GPR157: variants seen among roughly 807,000 people sequenced by gnomAD.
GPR157 encodes G protein-coupled receptor 157.
GPR157 carries 16 observed loss-of-function variants against 23.5 expected under a neutral mutation model. The ratio of observed to expected loss-of-function variants is 0.68; its 90% CI spans 0.46 to 1.04. The LOEUF (loss-of-function observed/expected upper bound fraction) is 1.04, where lower values mean the gene tolerates loss of function less well. Among genes scored for constraint, GPR157 ranks in the 50% least tolerant of loss-of-function variants. GPR157 has a pLI of 0.00. For synonymous variants in GPR157, 200 were observed against 221.5 expected (o/e 0.90, Z 0.86); for missense variants, 440 against 460.7 (o/e 0.96, Z 0.41).
In GPR157 at chr1:9,128,616, C is replaced by G; in HGVS notation, c.383+29G>C. On this transcript the variant is annotated intron_variant, in intron 1 of 3. Coordinates refer to ENST00000377411, the MANE Select transcript of GPR157 (RefSeq NM_024980.5). The surrounding 1 kb of genome is among the most constrained non-coding windows in gnomAD (Gnocchi z 6.3). ...GAGGGGTCGGCCTGTGTCGGGGGCT[C>G]CTGGAAAAGCAGCGCCACCGCCACC... 6.2e-7 allele frequency: 1 copy of G among 1,607,618 alleles called. No homozygotes were observed. Among genetic ancestry groups the G allele is most frequent in the Non-Finnish European group, 8.5e-7 (1 of 1,176,390 alleles).
At chr1:9,123,047 T>C (rs909055389) in intron 1 of GPR157, among the ~76,000 whole-genome samples, 4 of 150,618 alleles carry the variant, frequency 2.7e-5, no homozygotes, top group Middle Eastern at 3.4e-3. Flanking sequence ...TCCCAGCTAC[T>C]TGGAAGGCTG....
chr1:9,123,293 T>TAA (rs1638856432), intron 1 of GPR157, among the ~76,000 whole-genome samples: 3 of 46,560 alleles, frequency 6.4e-5, no homozygotes, highest in African/African-American at 3.2e-4. Flanking sequence ...TTTAAATTAA[T>TAA]ATATATTTAA....
chr1:9,122,789 T>C (rs372781633), intron 1 of GPR157, among the ~76,000 whole-genome samples: 3 of 152,112 alleles, frequency 2.0e-5, no homozygotes, highest in East Asian at 3.9e-4. Flanking sequence ...AGAATAAAGA[T>C]ATATGAAAAT....
Position 9,100,419 on chromosome 1 carries a change from A to G in GPR157, c.*4000T>C, listed in dbSNP as rs1031768918. 6.6e-6 allele frequency: 1 copy of G among 152,242 alleles called. No homozygotes were observed. The highest frequency in any genetic ancestry group is 1.5e-5 in the Non-Finnish European group (1 of 68,038). The allele number at this position is 152,242 out of a possible 1,614,324, so 9.4% of individuals were successfully genotyped here. Reference sequence around the variant, plus strand: ...AAAAACTCACACTTTTGATGCCACAACTAGAAGTTTGTAAAAACTATTTTT... The same window carrying G: ...AAAAACTCACACTTTTGATGCCACAGCTAGAAGTTTGTAAAAACTATTTTT... On this transcript the variant is annotated 3_prime_UTR_variant, in exon 4 of 4. Coordinates refer to ENST00000377411, the MANE Select transcript of GPR157 (RefSeq NM_024980.5).
At position 9,128,127 on chromosome 1, in the gene GPR157, T is replaced by A. The variant is rs1305016081; in HGVS notation, c.383+518A>T. 8.3e-6 allele frequency: 3 copies of A among 362,368 alleles called. No homozygotes were observed. The highest frequency in any genetic ancestry group is 1.7e-5 in the Non-Finnish European group (3 of 181,776). The allele number at this position is 362,368 out of a possible 1,614,324, so 22.4% of individuals were successfully genotyped here. ...AGGCTAGAAACGACCAAAGACAGAA[T>A]AAAAAGCACAGTCCTTTGTAAACTG... On this transcript the variant is annotated intron_variant, in intron 1 of 3. Transcript: ENST00000377411. The surrounding 1 kb of genome is among the most constrained non-coding windows in gnomAD (Gnocchi z 6.3).
At position 9,118,421 on chromosome 1, in the gene GPR157, C is replaced by T. The variant is rs1438474914; in HGVS notation, c.384-6932G>A. Among the ~76,000 whole-genome samples, 1 of 152,110 alleles carries T rather than the reference C, an allele frequency of 6.6e-6. No individual in the cohort carries two copies. The highest frequency in any genetic ancestry group is 6.6e-5 in the Admixed American group (1 of 15,264). On this transcript the variant is annotated intron_variant, in intron 1 of 3. Transcript: ENST00000377411. This position sits in a 1 kb window ranked among gnomAD's most constrained non-coding sequence, Gnocchi z 4.6. The stretch of plus-strand genomic sequence containing the variant: ...CTGGGAGGAGGCCAAGCTGAGCCTG[C>T]CTGGACGGAGGAAGCCCGGGACAGC...
At chr1:9,123,213 TTTATTAAA>T (rs1340224246) in intron 1 of GPR157, among the ~76,000 whole-genome samples, 41 of 128,204 alleles carry the variant, frequency 3.2e-4, no homozygotes, top group Non-Finnish European at 5.7e-4. Flanking sequence ...TATATATATA[TTTATTAAA>T]ATATATATTT....
In GPR157 at chr1:9,128,568, G is replaced by A. The variant is rs1232203032; in HGVS notation, c.383+77C>T. 8 of 1,391,920 alleles carry A rather than the reference G, an allele frequency of 5.7e-6. No homozygotes were observed. The highest frequency in any genetic ancestry group is 4.8e-5 in the South Asian group (4 of 83,296). 86.2% of individuals were successfully genotyped at this position (1,391,920 alleles called of 1,614,324 possible). On this transcript the variant is annotated intron_variant, in intron 1 of 3. Coordinates refer to ENST00000377411, the MANE Select transcript of GPR157 (RefSeq NM_024980.5). This position sits in a 1 kb window ranked among gnomAD's most constrained non-coding sequence, Gnocchi z 6.3. ...GGTAGGGGGTGTCCAACCTAGACGC[G>A]GCCTCTGGGAGGGCAAGACCGGGAG...
rs866628484 is a variant in GPR157 at position 9,107,223 on chromosome 1, A to G, written c.598-1543T>C. 4.6e-5 allele frequency among the ~76,000 whole-genome samples: 7 copies of G among 152,134 alleles called. No individual in the cohort carries two copies. In the Middle Eastern group the frequency reaches 0.014, roughly 296 times the overall value. ...CCTCCTCTCCAGAAGGAGAACAAAA[A>G]CGTGAGCTCGAGCCAGACTTGGCTT... On this transcript the variant is annotated intron_variant, in intron 2 of 3. Transcript: ENST00000377411.
Position 9,105,749 on chromosome 1 carries a change from C to T in GPR157, c.598-69G>A. The stretch of plus-strand genomic sequence containing the variant: ...TCCCGCCACGTCCACCCAGGCTGCC[C>T]AGGTCTTCCCAGGGACTTGAACTAG... On this transcript the variant is annotated intron_variant, in intron 2 of 3. Coordinates refer to ENST00000377411, the MANE Select transcript of GPR157 (RefSeq NM_024980.5). The surrounding 1 kb of genome is among the most constrained non-coding windows in gnomAD (Gnocchi z 4.8). The T allele has an allele frequency of 1.5e-6, 2 of 1,344,896 alleles. No individual in the cohort carries two copies. The highest frequency in any genetic ancestry group is 2.1e-6 in the Non-Finnish European group (2 of 975,230). The allele number at this position is 1,344,896 out of a possible 1,614,324, so 83.3% of individuals were successfully genotyped here. A position where few individuals can be genotyped will look rare whatever the true frequency, so the allele number is the denominator to read the frequency against.
rs1050116090 is a variant in GPR157 at position 9,128,243 on chromosome 1, C to G, written c.383+402G>C. 2 of 484,148 alleles carry G rather than the reference C, an allele frequency of 4.1e-6. No homozygotes were observed. The highest frequency in any genetic ancestry group is 3.9e-5 in the African/African-American group (2 of 51,280). The allele number at this position is 484,148 out of a possible 1,614,324, so 30.0% of individuals were successfully genotyped here. ...GTGGTGGCGTGGGACTGGCAGTTGC[C>G]GGCTCTCCAGCCCGGGACAGTTACC... On this transcript the variant is annotated intron_variant, in intron 1 of 3. Coordinates refer to ENST00000377411, the MANE Select transcript of GPR157 (RefSeq NM_024980.5). The surrounding 1 kb of genome is among the most constrained non-coding windows in gnomAD (Gnocchi z 6.3).
In GPR157 at chr1:9,128,473, C is replaced by T. The variant is rs891061109; in HGVS notation, c.383+172G>A. 2.9e-6 allele frequency: 2 copies of T among 698,318 alleles called. No homozygotes were observed. Among genetic ancestry groups the T allele is most frequent in the Non-Finnish European group, 5.1e-6 (2 of 396,028 alleles). 43.3% of individuals were successfully genotyped at this position (698,318 alleles called of 1,614,324 possible). ...GGCTCCTTCGGGAGGGAGCGAATCT[C>T]GGGCAAGGCTGGCCTCCTCCCGCTG... is the stretch of plus-strand genomic sequence containing the variant. On this transcript the variant is annotated intron_variant, in intron 1 of 3. Transcript: ENST00000377411. This position sits in a 1 kb window ranked among gnomAD's most constrained non-coding sequence, Gnocchi z 6.3.
chr1:9,106,830 G>T (rs555016796), intron 2 of GPR157, among the ~76,000 whole-genome samples: 1 of 152,266 alleles, frequency 6.6e-6, no homozygotes, highest in South Asian at 2.1e-4. Context: ...TGGTTGTTGT[G>T]GCACGTGCCT....
intron 1 of GPR157, among the ~76,000 whole-genome samples, chr1:9,114,574 G>GGCTC (rs1224768154): frequency 6.6e-6 from 1 of 152,102 alleles, no homozygotes; most frequent in Non-Finnish European, 1.5e-5. Flanking sequence ...CACTCCTTTG[G>GGCTC]GCTCCCTCTG....
rs1642574816 is a variant in GPR157, at chr1:9,102,170, G to A, written c.*2249C>T. ...CATGCCTGCAATCGAAGCATTTTGG[G>A]AGGCTGAGGTGGGTGGATCACCTGA... On this transcript the variant is annotated 3_prime_UTR_variant, in exon 4 of 4. Coordinates refer to ENST00000377411, the MANE Select transcript of GPR157 (RefSeq NM_024980.5). The A allele has an allele frequency of 6.6e-6, 1 of 152,136 alleles. No individual in the cohort carries two copies. Among genetic ancestry groups the A allele is most frequent in the South Asian group, 2.1e-4 (1 of 4,828 alleles). 9.4% of individuals were successfully genotyped at this position (152,136 alleles called of 1,614,324 possible). A position where few individuals can be genotyped will look rare whatever the true frequency, so the allele number is the denominator to read the frequency against.
intron 1 of GPR157, among the ~76,000 whole-genome samples, chr1:9,126,929 G>A (rs1312948406): frequency 2.0e-5 from 3 of 149,638 alleles, no homozygotes; most frequent in Non-Finnish European, 4.4e-5. Context: ...TTTTTTGAGA[G>A]AGGGTGTTGC....
Position 9,105,550 on chromosome 1 carries a change from A to T in GPR157, c.728T>A (p.Val243Glu). 6.2e-7 allele frequency: 1 copy of T among 1,601,266 alleles called. No individual in the cohort carries two copies. Among genetic ancestry groups the T allele is most frequent in the Non-Finnish European group, 8.5e-7 (1 of 1,174,928 alleles). The change falls in exon 3 of 4, where the codon GTG becomes GAG. Residue 243 changes from valine to glutamate, a missense_variant. Physicochemically the swap from Val to Glu is moderately radical, Grantham distance 121. Transcript: ENST00000377411. This position sits in a 1 kb window ranked among gnomAD's most constrained non-coding sequence, Gnocchi z 4.8. ...IFIGLRVWSTVRFVLTLCGSP... is the reference protein window; with the variant it reads ...IFIGLRVWSTERFVLTLCGSP... ...GCCACAGAGGGTCAGCACGAACCGCACGGTGCTCCAGACCCTGAGGCCGAT... is the reference window on the plus strand; with the variant it reads ...GCCACAGAGGGTCAGCACGAACCGCTCGGTGCTCCAGACCCTGAGGCCGAT...
Position 9,105,562 on chromosome 1 carries a change from A to C in GPR157, c.716T>G (p.Val239Gly). 1 of 1,606,580 alleles carries C rather than the reference A, an allele frequency of 6.2e-7. No homozygotes were observed. Among genetic ancestry groups the C allele is most frequent in the Non-Finnish European group, 8.5e-7 (1 of 1,177,316 alleles). ...LIPLIFIGLR[V>G]WSTVRFVLTL... ...CAGCACGAACCGCACGGTGCTCCAGACCCTGAGGCCGATGAAGATGAGCGG... is the reference window on the plus strand; with the variant it reads ...CAGCACGAACCGCACGGTGCTCCAGCCCCTGAGGCCGATGAAGATGAGCGG... Residue 239 changes from valine (V) to glycine (G), a missense_variant, in exon 3 of 4, where the codon GTC (valine) becomes GGC (glycine). Val to Gly is a moderately radical substitution (Grantham distance 109, BLOSUM62 -3). Transcript: ENST00000377411. The surrounding 1 kb of genome is among the most constrained non-coding windows in gnomAD (Gnocchi z 4.8).
chr1:9,108,009 T>G (rs1404929018), intron 2 of GPR157, among the ~76,000 whole-genome samples: 2 of 118,302 alleles, frequency 1.7e-5, no homozygotes, highest in South Asian at 2.5e-4. Context: ...GAAGTTGCAG[T>G]GAGCCAGAGG....
Sources: allele counts gnomAD v4.1 joint callset (sites outside exome capture counted in the v4.1 genomes callset), GRCh38; gene constraint gnomAD v4.1.1; non-coding constraint Gnocchi (gnomAD v3.1); transcripts MANE v1.5; gene names NCBI Gene and HGNC (gene_info 2026-07-23, HGNC 2026-07-21).